Variants in UVRAG observed in about 807,000 individuals in gnomAD.
UVRAG encodes the protein UV radiation resistance-associated gene protein.
In UVRAG, 19 loss-of-function variants were observed where a neutral mutation model predicts 78.0. The ratio of observed to expected loss-of-function variants is 0.24; its 90% confidence interval spans 0.17 to 0.36. UVRAG has a LOEUF of 0.36. UVRAG is among the 10% of genes least tolerant of loss of function. The pLI is 1.00. For missense variants in UVRAG, 740 were observed against 853.8 expected (o/e 0.87, Z 1.66); for synonymous variants, 323 against 324.6 (o/e 1.00, Z 0.05).
chr11:75,977,414 C>T (rs1449865670), intron 7 of UVRAG, among the ~76,000 whole-genome samples: 2 of 152,096 alleles, frequency 1.3e-5, no homozygotes, highest in Non-Finnish European at 2.9e-5. Context: ...GAGTTCAATT[C>T]CTGGATATCC....
At chr11:76,098,279 A>G (rs1951822225) in intron 13 of UVRAG, among the ~76,000 whole-genome samples, 2 of 152,182 alleles carry the variant, frequency 1.3e-5, no homozygotes, top group Non-Finnish European at 2.9e-5. Context: ...CATTTGTAAG[A>G]TACTTAGAAC....
chr11:75,967,953 C>G (rs552528928), intron 7 of UVRAG, among the ~76,000 whole-genome samples: 1 of 152,220 alleles, frequency 6.6e-6, no homozygotes, highest in Non-Finnish European at 1.5e-5. Flanking sequence ...GCTTGAGGAA[C>G]TTTTGACCTA....
chr11:75,887,148 T>G (rs1216767789), intron 4 of UVRAG, among the ~76,000 whole-genome samples: 3 of 151,732 alleles, frequency 2.0e-5, no homozygotes, highest in African/African-American at 4.8e-5. Context: ...TTCTTTTTCT[T>G]TCTTTCTTTT....
At chr11:75,863,226 G>A (rs747669426) in intron 3 of UVRAG, among the ~76,000 whole-genome samples, 3 of 152,186 alleles carry the variant, frequency 2.0e-5, no homozygotes, top group South Asian at 2.1e-4. Context: ...CTGGTTCTAC[G>A]TATATTATAT....
intron 12 of UVRAG, among the ~76,000 whole-genome samples, chr11:76,022,732 G>A (rs1037490359): frequency 6.6e-6 from 1 of 152,048 alleles, no homozygotes; most frequent in Non-Finnish European, 1.5e-5. Flanking sequence ...CTCTGCCTTT[G>A]GATTAGAGTT....
intron 12 of UVRAG, among the ~76,000 whole-genome samples, chr11:76,042,547 A>G (rs1317511314): frequency 2.0e-5 from 3 of 152,144 alleles, no homozygotes; most frequent in Non-Finnish European, 4.4e-5. Flanking sequence ...AGTGAACTAC[A>G]ATTGGCTTTT....
rs558164090 is a variant in UVRAG at position 75,983,238 on chromosome 11, C to G, written c.700-149C>G. 1.6e-5 allele frequency: 10 copies of G among 640,128 alleles called. No individual in the cohort carries two copies. In the African/African-American group the frequency reaches 1.7e-4, roughly 11 times the overall value. The allele number at this position is 640,128 out of a possible 1,614,324, so 39.7% of individuals were successfully genotyped here. ...TATGATTTTCATTAAAAGGATGGTG[C>G]TGGTAATTAAGTTACTCAAGAGTTC... is the stretch of plus-strand genomic sequence containing the variant. On this transcript the variant is annotated intron_variant, in intron 7 of 14. Coordinates refer to ENST00000356136, the MANE Select transcript of UVRAG (RefSeq NM_003369.4).
At chr11:75,913,096 T>A (rs374856011) in intron 6 of UVRAG, among the ~76,000 whole-genome samples, 35 of 152,260 alleles carry the variant, frequency 2.3e-4, no homozygotes, top group African/African-American at 7.9e-4. Flanking sequence ...ACACACAAAG[T>A]TTTAAGTTTT....
At chr11:75,849,383 A>G (rs1292320423) in intron 1 of UVRAG, among the ~76,000 whole-genome samples, 2 of 151,046 alleles carry the variant, frequency 1.3e-5, no homozygotes, top group African/African-American at 4.9e-5. Context: ...AGTCCCAGCT[A>G]CTTGGGAGGC....
chr11:76,034,096 G>A (rs911980721), intron 12 of UVRAG, among the ~76,000 whole-genome samples: 5 of 152,050 alleles, frequency 3.3e-5, no homozygotes, highest in Admixed American at 3.3e-4. Flanking sequence ...TTGTGTTTTG[G>A]AATTATTCAT....
In UVRAG at chr11:75,920,219, G is replaced by T. The variant is rs1947951608; in HGVS notation, c.593+8180G>T. On this transcript the variant is annotated intron_variant, in intron 6 of 14. Transcript: ENST00000356136. Reference sequence around the variant, plus strand: ...TTTTTGTGTTTTTAGTAGAGACGGGGTTTCACCATGTTAGCCAGGATGATC... The same window carrying T: ...TTTTTGTGTTTTTAGTAGAGACGGGTTTTCACCATGTTAGCCAGGATGATC... Among the ~76,000 whole-genome samples the T allele has an allele frequency of 2.0e-5, 3 of 151,282 alleles. No individual in the cohort carries two copies. In the South Asian group the frequency reaches 6.3e-4, roughly 32 times the overall value.
chr11:76,123,758 G>GTTGTTTTGTT (rs141660604), intron 14 of UVRAG, among the ~76,000 whole-genome samples: 8,881 of 151,762 alleles, frequency 0.059, 444 homozygotes, highest in African/African-American at 0.14. Flanking sequence ...TTGAGTATCA[G>GTTGTTTTGTT]TTGTTTTGTT....
intron 5 of UVRAG, among the ~76,000 whole-genome samples, chr11:75,893,123 G>A (rs1369485201): frequency 6.6e-6 from 1 of 151,516 alleles, no homozygotes; most frequent in South Asian, 2.1e-4. Context: ...GTTGCAGTGA[G>A]CCGAGATCGC....
chr11:75,928,885 T>C (rs1948169264), intron 6 of UVRAG, among the ~76,000 whole-genome samples: 1 of 128,256 alleles, frequency 7.8e-6, no homozygotes, highest in African/African-American at 3.0e-5. Flanking sequence ...GAGCTTGCAG[T>C]GAGCTGAGAT....
chr11:75,952,442 A>AG (rs1307112155), intron 6 of UVRAG, among the ~76,000 whole-genome samples: 1 of 150,742 alleles, frequency 6.6e-6, no homozygotes, highest in Non-Finnish European at 1.5e-5. Flanking sequence ...TAGTTTGTTG[A>AG]GGGTTTTTTT....
chr11:75,922,482 T>C (rs1168280004), intron 6 of UVRAG, among the ~76,000 whole-genome samples: 2 of 152,190 alleles, frequency 1.3e-5, no homozygotes, highest in Admixed American at 6.5e-5. Flanking sequence ...AGTAAAAGGA[T>C]AGGCTTTTCT....
intron 13 of UVRAG, among the ~76,000 whole-genome samples, chr11:76,067,046 G>A (rs924842427): frequency 1.3e-5 from 2 of 152,094 alleles, no homozygotes; most frequent in African/African-American, 4.8e-5. Flanking sequence ...TCTATGTGGT[G>A]TCATCTGCCA....
At chr11:75,864,159 G>A (rs1946486069) in intron 3 of UVRAG, among the ~76,000 whole-genome samples, 1 of 151,500 alleles carries the variant, frequency 6.6e-6, no homozygotes, top group African/African-American at 2.4e-5. Flanking sequence ...GAGCTGAGGC[G>A]ATCCTCTTAC....
rs1952702147 is a variant in UVRAG at position 76,140,693 on chromosome 11, T to C, written c.1398-18T>C. ...TTCTGAAGTCCAAAGTAACTTCTTG[T>C]TTTTGTTTCTCTTCTAGTGACAGAC... On this transcript the variant is annotated intron_variant, in intron 14 of 14. Coordinates refer to ENST00000356136, the MANE Select transcript of UVRAG (RefSeq NM_003369.4). The C allele has an allele frequency of 2.6e-6, 4 of 1,542,312 alleles. No homozygotes were observed. The highest frequency in any genetic ancestry group is 3.5e-6 in the Non-Finnish European group (4 of 1,148,314).
Sources: allele counts gnomAD v4.1 joint callset (sites outside exome capture counted in the v4.1 genomes callset), GRCh38; gene constraint gnomAD v4.1.1; transcripts MANE v1.5; gene names NCBI Gene and HGNC (gene_info 2026-07-23, HGNC 2026-07-21).